LILRA2: variants seen among roughly 807,000 people sequenced by gnomAD.
LILRA2 encodes the protein leukocyte immunoglobulin-like receptor subfamily A member 2.
A neutral mutation model predicts 47.9 loss-of-function variants in LILRA2; 45 were observed. The observed-to-expected ratio is 0.94, with a 90% confidence interval of 0.74 to 1.20. The LOEUF is 1.20. LILRA2 is among the 50% of genes most tolerant of loss of function. The probability of loss-of-function intolerance (pLI) is 0.00; values close to 1 mark genes in which losing one functional copy is unlikely to be tolerated. For synonymous variants in LILRA2, 279 were observed against 249.2 expected (o/e 1.12, Z -1.13); for missense variants, 651 against 598.2 (o/e 1.09, Z -0.92).
chr19:54,576,582 G>A (rs201457656), intron 6 of LILRA2, among the ~76,000 whole-genome samples: 15,851 of 143,782 alleles, frequency 0.11, no homozygotes, highest in African/African-American at 0.26. Flanking sequence ...GGACAGTAAG[G>A]GTGTGGTCTG....
chr19:54,583,475 T>C (rs2062703610), intron 6 of LILRA2, among the ~76,000 whole-genome samples: 1 of 152,242 alleles, frequency 6.6e-6, no homozygotes. Context: ...GGTGCATATA[T>C]ATTTAGGATA....
At chr19:54,575,737 G>T (rs1352809178) in intron 5 of LILRA2, 70 bp from the exon 6 acceptor site, 3 of 1,599,634 alleles carry the variant, frequency 1.9e-6, no homozygotes, top group Middle Eastern at 1.7e-4. Flanking sequence ...AGGGTCCCAG[G>T]GAGAGGCCTG....
At chr19:54,583,443 G>T (rs1201649334) in intron 6 of LILRA2, among the ~76,000 whole-genome samples, 2 of 152,134 alleles carry the variant, frequency 1.3e-5, no homozygotes, top group Non-Finnish European at 2.9e-5. Flanking sequence ...CTTGGTTTTT[G>T]AATCTGGGTG....
In LILRA2 at chr19:54,574,971, A is replaced by G; in HGVS notation, c.593A>G (p.Tyr198Cys). 6.2e-7 allele frequency: 1 copy of G among 1,614,188 alleles called. No individual in the cohort carries two copies. The highest frequency in any genetic ancestry group is 8.5e-7 in the Non-Finnish European group (1 of 1,180,002). Residue 198 changes from tyrosine (Y) to cysteine (C), a missense_variant, in exon 4 of 8, where the codon TAT becomes TGT. Physicochemically the swap from Tyr to Cys is radical, Grantham distance 194. Coordinates refer to ENST00000391738, the MANE Select transcript of LILRA2 (RefSeq NM_001130917.3). ...SRRWSYRCYA[Y>C]DSNSPYVWSL... Reference sequence around the variant, plus strand: ...AGGTGGTCGTACAGGTGCTATGCTTATGACTCGAACTCTCCCTATGTGTGG... The same window carrying G: ...AGGTGGTCGTACAGGTGCTATGCTTGTGACTCGAACTCTCCCTATGTGTGG...
chr19:54,576,216 C>G (rs751193504), intron 6 of LILRA2, 107 bp downstream of exon 6: 16 of 1,516,948 alleles, frequency 1.1e-5, no homozygotes, highest in Non-Finnish European at 1.4e-5. Context: ...GCGGGAGGGT[C>G]CACAGGGGAG....
chr19:54,573,521 C>T (rs1238576388), upstream of LILRA2: 6 of 890,832 alleles, frequency 6.7e-6, no homozygotes, highest in Non-Finnish European at 1.1e-5. Context: ...GAAGAGGAAG[C>T]CTCTGCTCAC....
At chr19:54,573,288 A>G (rs2062200854), upstream of LILRA2, 1 of 570,738 alleles carries the variant, frequency 1.8e-6, no homozygotes, top group South Asian at 1.8e-5. Flanking sequence ...TAGACCCTGC[A>G]TTACTCCTCT....
chr19:54,577,324 C>A, intron 6 of LILRA2: 2 of 506,408 alleles, frequency 3.9e-6, no homozygotes, highest in Non-Finnish European at 6.2e-6. Flanking sequence ...GGAGAACAGG[C>A]TGGGTGGGGA....
rs1272837992 is a variant in LILRA2 at position 54,574,328 on chromosome 19, C to A, written c.98C>A (p.Ala33Asp). 4 of 1,614,264 alleles carry A rather than the reference C, an allele frequency of 2.5e-6. No homozygotes were observed. ...AGHLPKPTLW[A>D]EPGSVIIQGS... ...CACCTCCCCAAGCCCACCCTCTGGG[C>A]TGAGCCAGGCTCTGTGATCATCCAG... Residue 33 changes from alanine to aspartate, a missense_variant, in exon 3 of 8, where the codon GCT becomes GAT. Ala to Asp is a moderately radical substitution (Grantham distance 126, BLOSUM62 -2). Transcript: ENST00000391738.
intron 6 of LILRA2, among the ~76,000 whole-genome samples, chr19:54,576,485 C>T (rs2062445587): frequency 6.6e-6 from 1 of 152,212 alleles, no homozygotes; most frequent in Admixed American, 6.5e-5. Context: ...AAACCAGCCA[C>T]TCCCAGCTCA....
At chr19:54,585,558 TAG>T (rs1048638338) in intron 6 of LILRA2, among the ~76,000 whole-genome samples, 9 of 152,184 alleles carry the variant, frequency 5.9e-5, no homozygotes, top group African/African-American at 2.2e-4. Flanking sequence ...ACTGCTGCGC[TAG>T]CAGTGAGCAA....
chr19:54,575,262 C>T lies in LILRA2; in HGVS notation c.662C>T (p.Ser221Phe), dbSNP rs1210199085. Residue 221 changes from serine to phenylalanine, a missense_variant, in exon 5 of 8, where the codon TCT (serine) becomes TTT (phenylalanine). Physicochemically the swap from Ser to Phe is radical, Grantham distance 155. Transcript: ENST00000391738. ...DLLELLVPGV[S>F]KKPSLSVQPG... The stretch of plus-strand genomic sequence containing the variant: ...CATGAACACCTTTTCCCAGGTGTTT[C>T]TAAGAAGCCATCACTCTCAGTGCAG... The T allele has an allele frequency of 2.5e-6, 4 of 1,608,172 alleles. No individual in the cohort carries two copies. In the East Asian group the frequency reaches 8.9e-5, roughly 36 times the overall value.
Position 54,587,217 on chromosome 19 carries a change from C to A in LILRA2, c.1323C>A (p.His441Gln), listed in dbSNP as rs180870681. Residue 441 changes from histidine to glutamine, a missense_variant, in exon 8 of 8, where the codon CAC becomes CAA. By Grantham distance (24) the His-to-Gln change is conservative. Coordinates refer to ENST00000391738, the MANE Select transcript of LILRA2 (RefSeq NM_001130917.3). The stretch of plus-strand genomic sequence containing the variant: ...TTTGTCCAGCATCCCTAGGCCAACA[C>A]CCCCAGGATTACACAGTGGAGAATC... ...TDSTTTSLGQ[H>Q]PQDYTVENLI... 22 of 1,614,054 alleles carry A rather than the reference C, an allele frequency of 1.4e-5. 1 individual carries two copies. In the Middle Eastern group the frequency reaches 4.9e-4, roughly 36 times the overall value.
At position 54,574,444 on chromosome 19, in the gene LILRA2, C is replaced by T. The variant is rs764683666; in HGVS notation, c.214C>T (p.Arg72Trp). The T allele has an allele frequency of 2.0e-5, 32 of 1,613,956 alleles. No homozygotes were observed. Among genetic ancestry groups the T allele is most frequent in the Non-Finnish European group, 2.5e-5 (29 of 1,180,000 alleles). The change falls in exon 3 of 8, where the codon CGG becomes TGG. Residue 72 changes from arginine to tryptophan, a missense_variant. Arg to Trp is a moderately radical substitution (Grantham distance 101, BLOSUM62 -3). Transcript: ENST00000391738. ...AAACAAATCAGCATCCTGGGTTAGA[C>T]GGATACAAGAGCCTGGGAAGAATGG... ...RENKSASWVR[R>W]IQEPGKNGQF...
intron 7 of LILRA2, 43 bp downstream of exon 7, chr19:54,587,103 G>C (rs141586582): frequency 1.2e-6 from 2 of 1,611,388 alleles, no homozygotes; most frequent in East Asian, 4.5e-5. Flanking sequence ...GGCACAGAGG[G>C]TCAGGTCCTG....
At chr19:54,573,275 T>C (rs1156439315), upstream of LILRA2, 6 of 499,646 alleles carry the variant, frequency 1.2e-5, no homozygotes, top group Non-Finnish European at 2.2e-5. Context: ...TGAGCCACCA[T>C]GGTAGACCCT....
At chr19:54,575,581 A>T (rs2062385070) in intron 5 of LILRA2, 29 bp downstream of exon 5, 3 of 1,608,660 alleles carry the variant, frequency 1.9e-6, no homozygotes, top group African/African-American at 2.7e-5. Context: ...TCAGTCAGGG[A>T]CCCAGGCTCT....
Position 54,589,156 on chromosome 19 carries a change from A to C in LILRA2, c.*1810A>C, listed in dbSNP as rs1411878088. On this transcript the variant is annotated 3_prime_UTR_variant, in exon 8 of 8. Coordinates refer to ENST00000391738, the MANE Select transcript of LILRA2 (RefSeq NM_001130917.3). ...CAGATTATGATATCACTCAGATCAGATTAGGACTCATCCTAATTCGTTATG... is the reference window on the plus strand; with the variant it reads ...CAGATTATGATATCACTCAGATCAGCTTAGGACTCATCCTAATTCGTTATG... 1 of 152,170 alleles carries C rather than the reference A, an allele frequency of 6.6e-6. No homozygotes were observed. The highest frequency in any genetic ancestry group is 2.4e-5 in the African/African-American group (1 of 41,428). The allele number at this position is 152,170 out of a possible 1,614,324, so 9.4% of individuals were successfully genotyped here.
At chr19:54,583,736 C>G (rs2062712314) in intron 6 of LILRA2, among the ~76,000 whole-genome samples, 1 of 152,088 alleles carries the variant, frequency 6.6e-6, no homozygotes, top group South Asian at 2.1e-4. Flanking sequence ...ATTTGCTGGT[C>G]TGTGTCTTTT....
Sources: allele counts gnomAD v4.1 joint callset (sites outside exome capture counted in the v4.1 genomes callset), GRCh38; gene constraint gnomAD v4.1.1; transcripts MANE v1.5; gene names NCBI Gene and HGNC (gene_info 2026-07-23, HGNC 2026-07-21).